Variants in PCDH9 observed in about 807,000 individuals in gnomAD.
PCDH9 encodes the protein protocadherin-9.
PCDH9 carries 24 observed loss-of-function variants against 70.6 expected under a neutral mutation model. The observed-to-expected ratio is 0.34, with a 90% CI of 0.25 to 0.48. The LOEUF is 0.48. Ranked by LOEUF, PCDH9 falls within the 20% of genes least tolerant of loss-of-function variation. The pLI is 0.99. For synonymous variants in PCDH9, 562 were observed against 558.5 expected (o/e 1.01, Z -0.09); for missense variants, 1,281 against 1,503.6 (o/e 0.85, Z 2.45).
At chr13:67,126,565 T>C (rs2086984944) in intron 2 of PCDH9, among the ~76,000 whole-genome samples, 1 of 152,126 alleles carries the variant, frequency 6.6e-6, no homozygotes, top group Admixed American at 6.5e-5. Context: ...TAAAAATAAA[T>C]AGGGGCCTGG....
chr13:67,169,947 C>A (rs1453140470), intron 2 of PCDH9, among the ~76,000 whole-genome samples: 1 of 152,138 alleles, frequency 6.6e-6, no homozygotes, highest in Non-Finnish European at 1.5e-5. Context: ...ATCTCTGGAA[C>A]CAGTTAGGTA....
At chr13:66,592,770 A>G (rs1012577605) in intron 4 of PCDH9, among the ~76,000 whole-genome samples, 1 of 151,794 alleles carries the variant, frequency 6.6e-6, no homozygotes, top group Admixed American at 6.6e-5. Context: ...AAAGAACAGA[A>G]CAAGGAGAAA....
intron 3 of PCDH9, among the ~76,000 whole-genome samples, chr13:66,720,975 A>G (rs1230305740): frequency 1.3e-5 from 2 of 152,202 alleles, no homozygotes; most frequent in Non-Finnish European, 2.9e-5. Context: ...GTGCACCTAC[A>G]CTGAATGGGA....
chr13:67,131,773 A>G (rs2087117618), intron 2 of PCDH9, among the ~76,000 whole-genome samples: 1 of 152,172 alleles, frequency 6.6e-6, no homozygotes. Flanking sequence ...CTTTCCTTCA[A>G]TTACAATCGG....
intron 3 of PCDH9, among the ~76,000 whole-genome samples, chr13:66,870,035 C>T (rs2081646522): frequency 6.6e-6 from 1 of 152,200 alleles, no homozygotes; most frequent in Middle Eastern, 3.4e-3. Flanking sequence ...AGGTTTTCTT[C>T]TAGGGTTTTT....
At position 66,486,638 on chromosome 13, in the gene PCDH9, A is replaced by AAAG. The variant is rs1491164159; in HGVS notation, c.3340+144571_3340+144572insCTT. ...AGGACAGAGTGAGATGCTATCTCAG[A>AAAG]AAAAAAAAAAAAAAAAAAGTATTTG... On this transcript the variant is annotated intron_variant, in intron 4 of 4. Transcript: ENST00000377865. Among the ~76,000 whole-genome samples, 677 of 19,058 alleles carry AAAG rather than the reference A, an allele frequency of 0.036. 27 individuals are homozygous for AAAG. The East Asian group carries it at 0.37, about 10-fold the overall frequency. The allele number at this position is 19,058 out of a possible 152,430, so 12.5% of individuals were successfully genotyped here.
At chr13:67,125,066 C>T (rs17517037) in intron 2 of PCDH9, among the ~76,000 whole-genome samples, 31,169 of 152,120 alleles carry the variant, frequency 0.2, 3,348 homozygotes, top group Middle Eastern at 0.27. Context: ...ACTCATGAAA[C>T]TTCTGACTGG....
At chr13:66,728,487 C>A (rs2079033647) in intron 3 of PCDH9, among the ~76,000 whole-genome samples, 1 of 152,220 alleles carries the variant, frequency 6.6e-6, no homozygotes, top group African/African-American at 2.4e-5. Flanking sequence ...TGAACCCAGG[C>A]TGGCTCCAGG....
chr13:66,691,686 A>G (rs1381205742), intron 3 of PCDH9, among the ~76,000 whole-genome samples: 2 of 152,172 alleles, frequency 1.3e-5, no homozygotes, highest in South Asian at 2.1e-4. Flanking sequence ...TGAGAAAATG[A>G]ACCCACGTAT....
At chr13:66,329,466 T>A (rs193289448) in intron 4 of PCDH9, among the ~76,000 whole-genome samples, 15 of 152,290 alleles carry the variant, frequency 9.8e-5, no homozygotes, top group African/African-American at 3.6e-4. Flanking sequence ...TCCTCCTCAT[T>A]TCCCAGCCCT....
chr13:67,081,294 C>T (rs1433702644), intron 2 of PCDH9, among the ~76,000 whole-genome samples: 2 of 152,072 alleles, frequency 1.3e-5, no homozygotes, highest in East Asian at 1.9e-4. Flanking sequence ...TAAGGCTGGG[C>T]GCAGTGGCTC....
chr13:66,492,455 A>G (rs1165267875), intron 4 of PCDH9, among the ~76,000 whole-genome samples: 3 of 148,106 alleles, frequency 2.0e-5, no homozygotes, highest in Non-Finnish European at 1.5e-5. Flanking sequence ...TATAATAAAT[A>G]TATATAAATA....
chr13:66,768,139 G>A (rs1272662906), intron 3 of PCDH9, among the ~76,000 whole-genome samples: 1 of 152,026 alleles, frequency 6.6e-6, no homozygotes, highest in African/African-American at 2.4e-5. Flanking sequence ...TCTGTATGTG[G>A]TTTTTGTATA....
At chr13:67,035,900 G>C (rs774605014) in intron 2 of PCDH9, among the ~76,000 whole-genome samples, 2 of 152,006 alleles carry the variant, frequency 1.3e-5, no homozygotes, top group Non-Finnish European at 2.9e-5. Flanking sequence ...TCCCTAAAAA[G>C]TTTTCATCTG....
intron 3 of PCDH9, among the ~76,000 whole-genome samples, chr13:66,707,955 G>A (rs1026040053): frequency 4.6e-5 from 7 of 152,150 alleles, no homozygotes; most frequent in Non-Finnish European, 8.8e-5. Context: ...TCAATTCTCA[G>A]TAGATTTCTC....
At chr13:66,912,126 G>T (rs1041634598) in intron 2 of PCDH9, among the ~76,000 whole-genome samples, 1 of 152,086 alleles carries the variant, frequency 6.6e-6, no homozygotes, top group Non-Finnish European at 1.5e-5. Context: ...AAATATAATT[G>T]GAGAGGTCCT....
At chr13:66,386,990 C>T (rs1395346142) in intron 4 of PCDH9, among the ~76,000 whole-genome samples, 1 of 151,948 alleles carries the variant, frequency 6.6e-6, no homozygotes, top group African/African-American at 2.4e-5. Context: ...ATTTACTGAC[C>T]TCTGAGACAC....
chr13:66,694,818 T>G (rs1157694375), intron 3 of PCDH9, among the ~76,000 whole-genome samples: 2 of 151,996 alleles, frequency 1.3e-5, no homozygotes, highest in African/African-American at 2.4e-5. Context: ...TATGTGCATA[T>G]CCAAGCACAT....
At chr13:67,007,155 G>A (rs1206975583) in intron 2 of PCDH9, among the ~76,000 whole-genome samples, 3 of 151,788 alleles carry the variant, frequency 2.0e-5, no homozygotes, top group African/African-American at 7.3e-5. Flanking sequence ...AGTAGAAAGA[G>A]CTATTCTCCA....
Sources: allele counts gnomAD v4.1 joint callset (sites outside exome capture counted in the v4.1 genomes callset), GRCh38; gene constraint gnomAD v4.1.1; transcripts MANE v1.5; gene names NCBI Gene and HGNC (gene_info 2026-07-23, HGNC 2026-07-21).